The following CD58 variants were observed in gnomAD, a reference collection of about 807,000 sequenced individuals.
The protein encoded by CD58 is CD58 molecule.
In CD58, 14 loss-of-function variants were observed where a neutral mutation model predicts 27.6. That is an observed-to-expected ratio of 0.51 (90% CI 0.34 to 0.79). The LOEUF (loss-of-function observed/expected upper bound fraction) is 0.79. Ranked by LOEUF, CD58 falls within the 30% of genes least tolerant of loss-of-function variation. The pLI, the probability that CD58 is intolerant of heterozygous loss-of-function variation, is 0.02. For missense variants in CD58, 268 were observed against 301.7 expected (o/e 0.89, Z 0.83); for synonymous variants, 117 against 103.8 (o/e 1.13, Z -0.77).
Position 116,519,043 on chromosome 1 carries a change from T to G in CD58, c.743+188A>C. 1 of 1,262,474 alleles carries G rather than the reference T, an allele frequency of 7.9e-7. No homozygotes were observed. Among genetic ancestry groups the G allele is most frequent in the Non-Finnish European group, 1.1e-6 (1 of 944,920 alleles). The allele number at this position is 1,262,474 out of a possible 1,614,324, so 78.2% of individuals were successfully genotyped here. On this transcript the variant is annotated intron_variant, in intron 5 of 5. Coordinates refer to ENST00000369489, the MANE Select transcript of CD58 (RefSeq NM_001779.3). This position sits in a 1 kb window ranked among gnomAD's most constrained non-coding sequence, Gnocchi z 4.7. ...GTTCCAGGAAACGATATGCAGAGAG[T>G]GGCTAGTGCAGTGCATGGCACACAG...
intron 1 of CD58, among the ~76,000 whole-genome samples, chr1:116,568,802 A>C (rs1460215289): frequency 6.6e-6 from 1 of 152,246 alleles, no homozygotes; most frequent in African/African-American, 2.4e-5. Context: ...GGGAACTCAC[A>C]CAAGTTCATG....
Position 116,551,100 on chromosome 1 carries a change from C to A in CD58, c.71-6496G>T, listed in dbSNP as rs907498154. 3.9e-5 allele frequency among the ~76,000 whole-genome samples: 6 copies of A among 152,060 alleles called. No individual in the cohort carries two copies. The East Asian group carries it at 1.2e-3, about 29-fold the overall frequency. On this transcript the variant is annotated intron_variant, in intron 1 of 5. Transcript: ENST00000369489. ...ATAGATTTAGCCTAATTCTTAAGGG[C>A]CCTAAAAATTTTCAGAGTGGTAAAT...
In CD58 at chr1:116,570,156, G is replaced by A. The variant is rs1659091299; in HGVS notation, c.70+747C>T. Among the ~76,000 whole-genome samples, 1 of 152,200 alleles carries A rather than the reference G, an allele frequency of 6.6e-6. No homozygotes were observed. Among genetic ancestry groups the A allele is most frequent in the South Asian group, 2.1e-4 (1 of 4,826 alleles). The stretch of plus-strand genomic sequence containing the variant: ...GGGGTTTTGCTATGGCCTGACTGGG[G>A]CCAATGTGTGGAGGGTGAAGGAGGA... On this transcript the variant is annotated intron_variant, in intron 1 of 5. Coordinates refer to ENST00000369489, the MANE Select transcript of CD58 (RefSeq NM_001779.3). This position sits in a 1 kb window ranked among gnomAD's most constrained non-coding sequence, Gnocchi z 6.4.
In CD58 at chr1:116,541,040, C is replaced by T. The variant is rs1444157649; in HGVS notation, c.364+3271G>A. Reference sequence around the variant, plus strand: ...CCTAGGATGGTCTTGAACTACTGGGCTTAAGCAACCCTCCCTCCTCAGCCT... The same window carrying T: ...CCTAGGATGGTCTTGAACTACTGGGTTTAAGCAACCCTCCCTCCTCAGCCT... On this transcript the variant is annotated intron_variant, in intron 2 of 5. Coordinates refer to ENST00000369489, the MANE Select transcript of CD58 (RefSeq NM_001779.3). This position sits in a 1 kb window ranked among gnomAD's most constrained non-coding sequence, Gnocchi z 5.3. 6.6e-6 allele frequency among the ~76,000 whole-genome samples: 1 copy of T among 152,156 alleles called. No homozygotes were observed. The highest frequency in any genetic ancestry group is 1.5e-5 in the Non-Finnish European group (1 of 68,012).
Position 116,521,940 on chromosome 1 carries a change from T to C in CD58, c.672A>G (p.Ala224=). The change falls in exon 4 of 6, where the codon GCA becomes GCG. Residue 224 remains alanine, a synonymous_variant. Transcript: ENST00000369489. The surrounding 1 kb of genome is among the most constrained non-coding windows in gnomAD (Gnocchi z 5.6). Reference sequence around the variant, plus strand: ...ACAGCACAATACATGTTGTAATTACTGCTAATGGTATGGGTATAAGTGCAT... The same window carrying C: ...ACAGCACAATACATGTTGTAATTACCGCTAATGGTATGGGTATAAGTGCAT... ...HRYALIPIPL[A]VITTCIVLYM... is the part of the protein sequence containing the mutation. 1 of 1,583,906 alleles carries C rather than the reference T, an allele frequency of 6.3e-7. No individual in the cohort carries two copies. The highest frequency in any genetic ancestry group is 8.7e-7 in the Non-Finnish European group (1 of 1,154,874).
chr1:116,537,997 T>C (rs1188688948), intron 2 of CD58, among the ~76,000 whole-genome samples: 2 of 152,158 alleles, frequency 1.3e-5, no homozygotes, highest in Admixed American at 1.3e-4. Context: ...ATCTGAAAAA[T>C]AAAAGCATTT....
intron 1 of CD58, among the ~76,000 whole-genome samples, chr1:116,547,219 C>A (rs570173294): frequency 6.6e-6 from 1 of 152,028 alleles, no homozygotes; most frequent in South Asian, 2.1e-4. Flanking sequence ...TTAGCTCCCA[C>A]TTGTAAGTTA....
chr1:116,534,217 T>G lies in CD58; in HGVS notation c.628+1748A>C. On this transcript the variant is annotated intron_variant, in intron 3 of 5. Transcript: ENST00000369489. The surrounding 1 kb of genome is among the most constrained non-coding windows in gnomAD (Gnocchi z 5.3). ...CTCGCACCGCACAGCTCCCAACAGC[T>G]GAGATGCAATGCCAAGGACTTTCTT... is the stretch of plus-strand genomic sequence containing the variant. 1 of 529,614 alleles carries G rather than the reference T, an allele frequency of 1.9e-6. No individual in the cohort carries two copies. Among genetic ancestry groups the G allele is most frequent in the South Asian group, 1.9e-5 (1 of 51,332 alleles). 32.8% of individuals were successfully genotyped at this position (529,614 alleles called of 1,614,324 possible). A position where few individuals can be genotyped will look rare whatever the true frequency, so the allele number is the denominator to read the frequency against.
chr1:116,545,116 G>A (rs190941879), intron 1 of CD58, among the ~76,000 whole-genome samples: 2 of 152,344 alleles, frequency 1.3e-5, no homozygotes, highest in Non-Finnish European at 2.9e-5. Context: ...AATGGAGAAA[G>A]AGCATGGTGT....
intron 1 of CD58, among the ~76,000 whole-genome samples, chr1:116,549,425 G>A (rs767121936): frequency 3.9e-5 from 6 of 152,142 alleles, no homozygotes; most frequent in Non-Finnish European, 7.3e-5. Flanking sequence ...CTTGAAGCAG[G>A]AGCAATGGCA....
intron 1 of CD58, among the ~76,000 whole-genome samples, chr1:116,555,110 C>A (rs1164219938): frequency 2.6e-5 from 4 of 151,984 alleles, no homozygotes; most frequent in African/African-American, 7.3e-5. Flanking sequence ...TTTGCTGATA[C>A]CACTGAGTGG....
At chr1:116,525,927 A>G (rs1228146566) in intron 3 of CD58, among the ~76,000 whole-genome samples, 1 of 152,222 alleles carries the variant, frequency 6.6e-6, no homozygotes, top group Non-Finnish European at 1.5e-5. Flanking sequence ...CTGGGATTAC[A>G]GGTGTGAGCC....
chr1:116,537,525 G>A (rs1214253174), intron 2 of CD58, among the ~76,000 whole-genome samples: 1 of 152,226 alleles, frequency 6.6e-6, no homozygotes, highest in Non-Finnish European at 1.5e-5. Context: ...GGCTGGACCT[G>A]TTAATAGGCA....
rs139125095 is a variant in CD58 at position 116,538,415 on chromosome 1, G to A, written c.365-2187C>T. 1.3e-5 allele frequency among the ~76,000 whole-genome samples: 2 copies of A among 152,218 alleles called. No homozygotes were observed. Among genetic ancestry groups the A allele is most frequent in the East Asian group, 3.9e-4 (2 of 5,180 alleles). ...TCCCCAGAATAGTTCAAAAATGCCTGTTCTCAGTATTTCATATACTTATGC... is the reference window on the plus strand; with the variant it reads ...TCCCCAGAATAGTTCAAAAATGCCTATTCTCAGTATTTCATATACTTATGC... On this transcript the variant is annotated intron_variant, in intron 2 of 5. Coordinates refer to ENST00000369489, the MANE Select transcript of CD58 (RefSeq NM_001779.3). The surrounding 1 kb of genome is among the most constrained non-coding windows in gnomAD (Gnocchi z 4.7).
At chr1:116,564,939 C>CTACT (rs1426093988) in intron 1 of CD58, among the ~76,000 whole-genome samples, 2 of 152,138 alleles carry the variant, frequency 1.3e-5, no homozygotes, top group African/African-American at 4.8e-5. Flanking sequence ...TGAGTTCTTG[C>CTACT]TACTTGCCCA....
rs1657312127 is a variant in CD58 at position 116,522,924 on chromosome 1, C to A, written c.629-941G>T. 6.6e-6 allele frequency among the ~76,000 whole-genome samples: 1 copy of A among 151,372 alleles called. No individual in the cohort carries two copies. Among genetic ancestry groups the A allele is most frequent in the Admixed American group, 6.6e-5 (1 of 15,260 alleles). On this transcript the variant is annotated intron_variant, in intron 3 of 5. Coordinates refer to ENST00000369489, the MANE Select transcript of CD58 (RefSeq NM_001779.3). This position sits in a 1 kb window ranked among gnomAD's most constrained non-coding sequence, Gnocchi z 4.6. Reference sequence around the variant, plus strand: ...AAGTCATTACAATGTTGGGCAAGTGCCTTAACCTCTCAGTGCCTCCATTTT... The same window carrying A: ...AAGTCATTACAATGTTGGGCAAGTGACTTAACCTCTCAGTGCCTCCATTTT...
chr1:116,537,001 C>T (rs1657834369), intron 2 of CD58, among the ~76,000 whole-genome samples: 1 of 152,190 alleles, frequency 6.6e-6, no homozygotes, highest in South Asian at 2.1e-4. Flanking sequence ...CATGGCTATA[C>T]TCCCAGCACT....
At chr1:116,560,034 A>G (rs942883488) in intron 1 of CD58, 2 of 154,102 alleles carry the variant, frequency 1.3e-5, no homozygotes, top group African/African-American at 4.8e-5. Context: ...CTACTAGGTT[A>G]GTGCAAAAGT....
rs957567630 is a variant in CD58, at chr1:116,552,779, C to T, written c.71-8175G>A. ...GCTAGCTTTGTCTATTGCAGTTACA[C>T]CGCAATAACTATCCTGTACATATGT... On this transcript the variant is annotated intron_variant, in intron 1 of 5. Coordinates refer to ENST00000369489, the MANE Select transcript of CD58 (RefSeq NM_001779.3). This position sits in a 1 kb window ranked among gnomAD's most constrained non-coding sequence, Gnocchi z 4.5. Among the ~76,000 whole-genome samples, 2 of 152,180 alleles carry T rather than the reference C, an allele frequency of 1.3e-5. No homozygotes were observed. Among genetic ancestry groups the T allele is most frequent in the Admixed American group, 6.5e-5 (1 of 15,292 alleles).
Sources: allele counts gnomAD v4.1 joint callset (sites outside exome capture counted in the v4.1 genomes callset), GRCh38; gene constraint gnomAD v4.1.1; non-coding constraint Gnocchi (gnomAD v3.1); transcripts MANE v1.5; gene names NCBI Gene and HGNC (gene_info 2026-07-23, HGNC 2026-07-21).